PLVAP: variants seen among roughly 807,000 people sequenced by gnomAD.
PLVAP encodes the protein plasmalemma vesicle associated protein.
In PLVAP, 34 loss-of-function variants were observed where a neutral mutation model predicts 43.1. The ratio of observed to expected loss-of-function variants is 0.79; its 90% CI spans 0.60 to 1.05. The LOEUF (loss-of-function observed/expected upper bound fraction) is 1.05, where lower values mean the gene tolerates loss of function less well. Ranked by LOEUF, PLVAP falls within the 50% of genes least tolerant of loss-of-function variation. PLVAP has a pLI of 0.00. For synonymous variants in PLVAP, 241 were observed against 237.3 expected (o/e 1.02, Z -0.14); for missense variants, 574 against 593.4 (o/e 0.97, Z 0.34).
intron 5 of PLVAP, among the ~76,000 whole-genome samples, chr19:17,354,016 G>A (rs12462283): frequency 0.21 from 31,797 of 152,122 alleles, 3,895 homozygotes; most frequent in East Asian, 0.35. Context: ...ACGGCCGGGC[G>A]CGGTGGCTCA....
intron 5 of PLVAP, among the ~76,000 whole-genome samples, chr19:17,359,404 G>A (rs1246100784): frequency 1.3e-5 from 2 of 150,512 alleles, no homozygotes; most frequent in African/African-American, 4.9e-5. Flanking sequence ...GTGAGCCACT[G>A]CAACCAGCCT....
chr19:17,374,019 G>A (rs972014124), intron 1 of PLVAP, among the ~76,000 whole-genome samples: 13 of 152,102 alleles, frequency 8.5e-5, no homozygotes, highest in East Asian at 3.9e-4. Context: ...AAACTTAGCC[G>A]GGCATGGTGG....
intron 1 of PLVAP, among the ~76,000 whole-genome samples, chr19:17,368,908 G>A (rs1338446755): frequency 6.6e-6 from 1 of 152,154 alleles, no homozygotes; most frequent in Non-Finnish European, 1.5e-5. Context: ...ACTCGGGGAG[G>A]CGGAGGTTGC....
chr19:17,358,198 T>G (rs1321164128), intron 5 of PLVAP, among the ~76,000 whole-genome samples: 11 of 149,994 alleles, frequency 7.3e-5, no homozygotes, highest in African/African-American at 2.7e-4. Flanking sequence ...CAGAGCCATC[T>G]AGAGCAAAGG....
chr19:17,370,166 T>C (rs2074566934), intron 1 of PLVAP, among the ~76,000 whole-genome samples: 1 of 152,044 alleles, frequency 6.6e-6, no homozygotes, highest in South Asian at 2.1e-4. Flanking sequence ...GATGAGGATG[T>C]GGGGAAATCA....
intron 1 of PLVAP, among the ~76,000 whole-genome samples, chr19:17,370,616 T>G (rs931790573): frequency 6.6e-6 from 1 of 152,058 alleles, no homozygotes; most frequent in African/African-American, 2.4e-5. Context: ...GGAAGCAGGT[T>G]GGTGGCTGTC....
rs1331703168 is a variant in PLVAP, at chr19:17,377,136, G to A, written c.153C>T (p.Asn51=). ...LGLVLFMVYG[N]VHVSTESNLQ... The stretch of plus-strand genomic sequence containing the variant: ...GGTTGGACTCTGTGCTCACGTGCAC[G>A]TTGCCATAGACCATGAAGAGCACGA... The change falls in exon 1 of 6, where the codon AAC becomes AAT. Residue 51 remains asparagine (N), a synonymous_variant. Transcript: ENST00000252590. 2.5e-6 allele frequency: 4 copies of A among 1,614,164 alleles called. No individual in the cohort carries two copies. The highest frequency in any genetic ancestry group is 1.7e-5 in the Admixed American group (1 of 60,020).
At chr19:17,375,580 A>G (rs938130733) in intron 1 of PLVAP, among the ~76,000 whole-genome samples, 4 of 151,918 alleles carry the variant, frequency 2.6e-5, no homozygotes, top group African/African-American at 2.4e-5. Flanking sequence ...TCTCTAAAAA[A>G]AAGTTAGCCA....
intron 1 of PLVAP, among the ~76,000 whole-genome samples, chr19:17,374,632 T>G (rs886332207): frequency 5.5e-5 from 8 of 146,290 alleles, no homozygotes; most frequent in South Asian, 4.4e-4. Flanking sequence ...CCTTTTTTTG[T>G]TTTTTTTTTT....
At chr19:17,374,822 G>T (rs8105989) in intron 1 of PLVAP, among the ~76,000 whole-genome samples, 39,428 of 146,542 alleles carry the variant, frequency 0.27, 5,845 homozygotes, top group African/African-American at 0.39. Context: ...ATGTATGTAT[G>T]TATGTATTTA....
At chr19:17,369,958 A>ACAC (rs2074565360) in intron 1 of PLVAP, among the ~76,000 whole-genome samples, 1 of 148,070 alleles carries the variant, frequency 6.8e-6, no homozygotes, top group African/African-American at 2.5e-5. Flanking sequence ...AGCCACGATC[A>ACAC]CACCATTGCA....
At chr19:17,373,465 C>T (rs915639942) in intron 1 of PLVAP, among the ~76,000 whole-genome samples, 6 of 152,038 alleles carry the variant, frequency 3.9e-5, no homozygotes, top group East Asian at 1.9e-4. Flanking sequence ...CCAGTGCGGA[C>T]GGCTGGGTGG....
rs531218988 is a variant in PLVAP, at chr19:17,365,855, G to A, written c.610C>T (p.Arg204Trp). The stretch of plus-strand genomic sequence containing the variant: ...TGGCGCTCTTGGTGCTGCAGCTCCC[G>A]GGTTTTCACGCATTCAACCAGCTGT... Reference protein sequence around the residue: ...EEQLVECVKTRELQHQERQLA... With the variant: ...EEQLVECVKTWELQHQERQLA... The change falls in exon 3 of 6, where the codon CGG becomes TGG. Residue 204 changes from arginine (R) to tryptophan (W), a missense_variant. Coordinates refer to ENST00000252590, the MANE Select transcript of PLVAP (RefSeq NM_031310.3). 10 of 1,614,088 alleles carry A rather than the reference G, an allele frequency of 6.2e-6. No homozygotes were observed. The highest frequency in any genetic ancestry group is 2.2e-5 in the South Asian group (2 of 91,090).
In PLVAP at chr19:17,366,123, T is replaced by C; in HGVS notation, c.442A>G (p.Lys148Glu). 1 of 1,614,130 alleles carries C rather than the reference T, an allele frequency of 6.2e-7. No individual in the cohort carries two copies. Among genetic ancestry groups the C allele is most frequent in the African/African-American group, 1.3e-5 (1 of 75,026 alleles). Residue 148 changes from lysine to glutamate, a missense_variant, in exon 2 of 6, where the codon AAG becomes GAG. Physicochemically the swap from Lys to Glu is moderately conservative, Grantham distance 56 (BLOSUM62 1). Transcript: ENST00000252590. ...LSEKQCRDQF[K>E]DMNKSCDALL... The stretch of plus-strand genomic sequence containing the variant: ...CCATCGCAGCTCTTGTTCATGTCCT[T>C]GAATTGATCTCTGCATTGCTTCTCA...
intron 1 of PLVAP, among the ~76,000 whole-genome samples, chr19:17,371,162 A>T (rs925140445): frequency 5.3e-5 from 8 of 151,488 alleles, no homozygotes; most frequent in South Asian, 2.1e-4. Context: ...AAAATTATTT[A>T]TTATTATTAT....
intron 5 of PLVAP, among the ~76,000 whole-genome samples, chr19:17,354,743 A>C (rs1320005094): frequency 2.7e-5 from 4 of 148,998 alleles, no homozygotes; most frequent in Non-Finnish European, 6.0e-5. Context: ...CTAAAAATAC[A>C]AAAAATTAAC....
chr19:17,365,410 G>A lies in PLVAP; in HGVS notation c.1055C>T (p.Ala352Val), dbSNP rs750288854. Residue 352 changes from alanine to valine, a missense_variant, in exon 3 of 6, where the codon GCG becomes GTG. Transcript: ENST00000252590. ...RQTQLALEEKAVLRKERDNLA... is the reference protein window; with the variant it reads ...RQTQLALEEKVVLRKERDNLA... ...GTTGTCTCGTTCCTTCCGCAGCACC[G>A]CCTTCTCCTCCAGCGCTAGCTGGGT... is the stretch of plus-strand genomic sequence containing the variant. 49 of 1,612,854 alleles carry A rather than the reference G, an allele frequency of 3.0e-5. No individual in the cohort carries two copies. Among genetic ancestry groups the A allele is most frequent in the East Asian group, 1.6e-4 (7 of 44,840 alleles).
At chr19:17,360,734 G>A in intron 4 of PLVAP, 38 bp downstream of exon 4, 1 of 1,603,264 alleles carries the variant, frequency 6.2e-7, no homozygotes, top group Non-Finnish European at 8.5e-7. Context: ...GGTGGAAAGG[G>A]GCCCCTCCCC....
chr19:17,377,130 G>T lies in PLVAP; in HGVS notation c.159C>A (p.His53Gln), dbSNP rs142410285. 19 of 1,614,026 alleles carry T rather than the reference G, an allele frequency of 1.2e-5. No homozygotes were observed. The African/African-American group carries it at 2.5e-4, about 22-fold the overall frequency. Reference sequence around the variant, plus strand: ...CCTGCAGGTTGGACTCTGTGCTCACGTGCACGTTGCCATAGACCATGAAGA... The same window carrying T: ...CCTGCAGGTTGGACTCTGTGCTCACTTGCACGTTGCCATAGACCATGAAGA... ...LVLFMVYGNV[H>Q]VSTESNLQAT... Residue 53 changes from histidine (H) to glutamine (Q), a missense_variant, in exon 1 of 6, where the codon CAC becomes CAA. Physicochemically the swap from His to Gln is conservative, Grantham distance 24. Transcript: ENST00000252590.
Sources: gnomAD v4.1 joint callset for allele counts (sites outside exome capture counted in the v4.1 genomes callset) on GRCh38, gnomAD v4.1.1 for gene constraint, MANE v1.5 for transcripts, NCBI Gene and HGNC (gene_info 2026-07-23, HGNC 2026-07-21) for gene names.